Variants in CACNB2 observed in about 807,000 individuals in gnomAD.
CACNB2 encodes the protein voltage-dependent L-type calcium channel subunit beta-2.
CACNB2 carries 42 observed loss-of-function variants against 73.3 expected under a neutral mutation model. The ratio of observed to expected loss-of-function variants is 0.57; its 90% CI spans 0.45 to 0.74. The LOEUF (loss-of-function observed/expected upper bound fraction) is 0.74. Ranked by LOEUF, CACNB2 falls within the 30% of genes least tolerant of loss-of-function variation. The pLI, the probability that CACNB2 is intolerant of heterozygous loss-of-function variation, is 0.00. For missense variants in CACNB2, 940 were observed against 853.0 expected (o/e 1.10, Z -1.27); for synonymous variants, 348 against 310.3 (o/e 1.12, Z -1.28).
intron 5 of CACNB2, among the ~76,000 whole-genome samples, chr10:18,503,728 G>C (rs943215749): frequency 6.6e-6 from 1 of 152,174 alleles, no homozygotes; most frequent in Non-Finnish European, 1.5e-5. Flanking sequence ...TTTTTAGTTA[G>C]GACAATTCAG....
At chr10:18,412,479 C>A (rs560353418) in intron 3 of CACNB2, among the ~76,000 whole-genome samples, 1 of 152,284 alleles carries the variant, frequency 6.6e-6, no homozygotes, top group East Asian at 1.9e-4. Flanking sequence ...CAATTTCTTC[C>A]CTACTTACTC....
chr10:18,345,532 C>T (rs1030790476), intron 2 of CACNB2, among the ~76,000 whole-genome samples: 3 of 152,142 alleles, frequency 2.0e-5, no homozygotes, highest in African/African-American at 7.2e-5. Flanking sequence ...TTGGAACTCC[C>T]ATCCGTCTGT....
chr10:18,499,805 T>TAAA (rs60864177), intron 4 of CACNB2, among the ~76,000 whole-genome samples: 31 of 117,748 alleles, frequency 2.6e-4, no homozygotes, highest in African/African-American at 3.3e-4. Flanking sequence ...ACCCCATCTC[T>TAAA]AAAAAAAAAA....
At chr10:18,202,441 C>A (rs1220630438) in intron 2 of CACNB2, among the ~76,000 whole-genome samples, 6 of 152,144 alleles carry the variant, frequency 3.9e-5, no homozygotes, top group African/African-American at 1.4e-4. Context: ...GGGACCAAAC[C>A]ATGGGATTTT....
intron 2 of CACNB2, among the ~76,000 whole-genome samples, chr10:18,283,329 C>G (rs2038635941): frequency 6.6e-6 from 1 of 152,108 alleles, no homozygotes; most frequent in Admixed American, 6.5e-5. Flanking sequence ...GGTATATACC[C>G]AAAGGATTAT....
chr10:18,309,610 A>G lies in CACNB2; in HGVS notation c.214-92314A>G, dbSNP rs377308471. Among the ~76,000 whole-genome samples the G allele has an allele frequency of 6.6e-5, 10 of 152,190 alleles. No individual in the cohort carries two copies. The East Asian group carries it at 1.4e-3, about 21-fold the overall frequency. On this transcript the variant is annotated intron_variant, in intron 2 of 13. Transcript: ENST00000324631. ...GTAGCTGGGATTACAGTCCCGCGCC[A>G]CCATGCCCAGCTAATTTTTGTATTT...
chr10:18,345,961 C>T (rs2041433714), intron 2 of CACNB2, among the ~76,000 whole-genome samples: 1 of 152,188 alleles, frequency 6.6e-6, no homozygotes, highest in Non-Finnish European at 1.5e-5. Flanking sequence ...TCTCACCTTT[C>T]TGTTCATAGA....
chr10:18,485,638 T>C (rs1047775138), intron 3 of CACNB2, among the ~76,000 whole-genome samples: 1 of 148,604 alleles, frequency 6.7e-6, no homozygotes, highest in African/African-American at 2.5e-5. Context: ...CTTGGCTCAC[T>C]GCAACCTCCA....
chr10:18,514,882 T>C (rs2133131669), intron 7 of CACNB2: 3 of 828,394 alleles, frequency 3.6e-6, no homozygotes, highest in Non-Finnish European at 6.2e-6. Context: ...AAAGCAGTTA[T>C]TAAATTCTGA....
In CACNB2 at chr10:18,502,701, A is replaced by C. The variant is rs1267868856; in HGVS notation, c.593+1753A>C. Among the ~76,000 whole-genome samples, 38 of 116,998 alleles carry C rather than the reference A, an allele frequency of 3.2e-4. 1 individual carries two copies. Among genetic ancestry groups the C allele is most frequent in the East Asian group, 6.1e-4 (3 of 4,902 alleles). 76.8% of individuals were successfully genotyped at this position (116,998 alleles called of 152,430 possible). A position where few individuals can be genotyped will look rare whatever the true frequency, so the allele number is the denominator to read the frequency against. ...CAAGACTCCATCTCAAAAAAAAAAA[A>C]AAAAAAAAAAAAAAAAAAAAAAACC... On this transcript the variant is annotated intron_variant, in intron 5 of 13. Coordinates refer to ENST00000324631, the MANE Select transcript of CACNB2 (RefSeq NM_201596.3).
chr10:18,293,558 C>A (rs1393423782), intron 2 of CACNB2, among the ~76,000 whole-genome samples: 1 of 152,152 alleles, frequency 6.6e-6, no homozygotes, highest in African/African-American at 2.4e-5. Context: ...CAGACTCTAC[C>A]CTTGGGTTGG....
intron 2 of CACNB2, among the ~76,000 whole-genome samples, chr10:18,271,367 G>A (rs923884185): frequency 3.3e-5 from 5 of 152,112 alleles, no homozygotes; most frequent in South Asian, 2.1e-4. Flanking sequence ...TTGAAAGCAC[G>A]AAATTGACTA....
chr10:18,360,809 AG>A (rs1243426573), intron 2 of CACNB2, among the ~76,000 whole-genome samples: 2 of 152,204 alleles, frequency 1.3e-5, no homozygotes, highest in African/African-American at 4.8e-5. Flanking sequence ...ACAGCCAGCA[AG>A]GAGCAGAACA....
chr10:18,333,877 T>TG (rs2040899836), intron 2 of CACNB2, among the ~76,000 whole-genome samples: 2 of 152,248 alleles, frequency 1.3e-5, no homozygotes, highest in East Asian at 1.9e-4. Flanking sequence ...CCTTTTTTTT[T>TG]GTCGTCTCCT....
At chr10:18,335,206 C>G (rs1206506018) in intron 2 of CACNB2, among the ~76,000 whole-genome samples, 1 of 151,826 alleles carries the variant, frequency 6.6e-6, no homozygotes, top group Non-Finnish European at 1.5e-5. Context: ...ATTCTCTTAA[C>G]ACTGGCAAGT....
chr10:18,192,491 G>A (rs2034446793), intron 2 of CACNB2, among the ~76,000 whole-genome samples: 1 of 152,048 alleles, frequency 6.6e-6, no homozygotes, highest in Non-Finnish European at 1.5e-5. Flanking sequence ...GGTATTACAG[G>A]TATGAGCCAC....
In CACNB2 at chr10:18,356,942, C is replaced by CTTTTTTTT. The variant is rs71402158; in HGVS notation, c.214-44969_214-44962dup. Among the ~76,000 whole-genome samples, 168 of 101,104 alleles carry CTTTTTTTT rather than the reference C, an allele frequency of 1.7e-3. 3 individuals carry two copies. Among genetic ancestry groups the CTTTTTTTT allele is most frequent in the Non-Finnish European group, 2.3e-3 (115 of 49,164 alleles). 66.3% of individuals were successfully genotyped at this position (101,104 alleles called of 152,430 possible). A position where few individuals can be genotyped will look rare whatever the true frequency, so the allele number is the denominator to read the frequency against. ...ACTGTGCCTGGCCCAGACTCAATTT[C>CTTTTTTTT]TTTTTTTTTTTTTTTTTTTTGAGAC... On this transcript the variant is annotated intron_variant, in intron 2 of 13. Transcript: ENST00000324631.
At chr10:18,514,169 A>G (rs1340546996) in intron 6 of CACNB2, 67 bp from the exon 7 acceptor site, 10 of 1,555,026 alleles carry the variant, frequency 6.4e-6, no homozygotes, top group Non-Finnish European at 8.9e-6. Context: ...ATTTGCTTTC[A>G]TTTTATTTTC....
At chr10:18,524,212 T>TTTTTTTG (rs2052215074) in intron 9 of CACNB2, among the ~76,000 whole-genome samples, 1 of 151,966 alleles carries the variant, frequency 6.6e-6, no homozygotes, top group Non-Finnish European at 1.5e-5. Flanking sequence ...TCACGGTTTT[T>TTTTTTTG]TTTTTTTGTT....
Sources: allele counts gnomAD v4.1 joint callset (sites outside exome capture counted in the v4.1 genomes callset), GRCh38; gene constraint gnomAD v4.1.1; transcripts MANE v1.5; gene names NCBI Gene and HGNC (gene_info 2026-07-23, HGNC 2026-07-21).